TAF6: variants seen among roughly 807,000 people sequenced by gnomAD.
The protein encoded by TAF6 is transcription initiation factor TFIID subunit 6.
TAF6 carries 50 observed loss-of-function variants against 73.5 expected under a neutral mutation model. That is an observed-to-expected ratio of 0.68 (90% CI 0.54 to 0.86). The LOEUF (loss-of-function observed/expected upper bound fraction) is 0.86, where lower values mean the gene tolerates loss of function less well. Among genes scored for constraint, TAF6 ranks in the 40% least tolerant of loss-of-function variants. TAF6 has a pLI of 0.00. For synonymous variants in TAF6, 424 were observed against 376.7 expected (o/e 1.13, Z -1.45); for missense variants, 768 against 899.5 (o/e 0.85, Z 1.87).
At chr7:100,126,747 T>C in the TAF6 span, 2 of 152,512 alleles carry the variant, frequency 1.3e-5, no homozygotes, top group East Asian at 3.9e-4. Flanking sequence ...AGGTTGAGGC[T>C]GCAGTGAGGT....
At position 100,107,953 on chromosome 7, in the gene TAF6, C is replaced by T. The variant is rs760961569; in HGVS notation, c.1629G>A (p.Ser543=). 19 of 1,612,876 alleles carry T rather than the reference C, an allele frequency of 1.2e-5. No homozygotes were observed. Among genetic ancestry groups the T allele is most frequent in the African/African-American group, 1.3e-5 (1 of 74,828 alleles). Reference sequence around the variant, plus strand: ...GCTGGGTGGATGGGGCGCTGGAGGACGATGACATTACAATAAACTTGGTTG... The same window carrying T: ...GCTGGGTGGATGGGGCGCTGGAGGATGATGACATTACAATAAACTTGGTTG... The part of the protein sequence containing the change: ...PPPTKFIVMS[S]SSSAPSTQQV... Residue 543 remains serine, a synonymous_variant, in exon 14 of 15, where the codon TCG becomes TCA. Coordinates refer to ENST00000453269, the MANE Select transcript of TAF6 (RefSeq NM_139315.3).
intron 14 of TAF6, 49 bp from the exon 15 acceptor site, chr7:100,107,672 C>G (rs1796681037): frequency 6.3e-7 from 1 of 1,592,420 alleles, no homozygotes; most frequent in South Asian, 1.1e-5. Context: ...CTCCCTGCCC[C>G]CCAGAGGCCT....
chr7:100,110,189 A>T lies in TAF6; in HGVS notation c.1158+11T>A, dbSNP rs754731525. 1 of 1,614,146 alleles carries T rather than the reference A, an allele frequency of 6.2e-7. No homozygotes were observed. Among genetic ancestry groups the T allele is most frequent in the Non-Finnish European group, 8.5e-7 (1 of 1,180,018 alleles). Reference sequence around the variant, plus strand: ...GTCCCCTCCCCCATTTCTTCCTCCCAGAGGCCTAACATCGTGTCCCAGCTC... The same window carrying T: ...GTCCCCTCCCCCATTTCTTCCTCCCTGAGGCCTAACATCGTGTCCCAGCTC... On this transcript the variant is annotated intron_variant, in intron 11 of 14. Coordinates refer to ENST00000453269, the MANE Select transcript of TAF6 (RefSeq NM_139315.3).
upstream of TAF6, chr7:100,122,234 C>T: frequency 6.2e-7 from 1 of 1,613,308 alleles, no homozygotes; most frequent in Non-Finnish European, 8.5e-7. Context: ...TTTACCTCCC[C>T]CCGGACGTTT....
chr7:100,108,856 T>C (rs554959911), intron 12 of TAF6: 35 of 225,986 alleles, frequency 1.5e-4, no homozygotes, highest in African/African-American at 7.3e-4. Context: ...AAACCTCATC[T>C]CCACTAAAAA....
Position 100,112,219 on chromosome 7 carries a change from C to G in TAF6, c.609G>C (p.Gly203=). 1 of 1,614,110 alleles carries G rather than the reference C, an allele frequency of 6.2e-7. No homozygotes were observed. The highest frequency in any genetic ancestry group is 8.5e-7 in the Non-Finnish European group (1 of 1,180,006). ...KEKKAPPLLE[G]APLRLKPRSI... Reference sequence around the variant, plus strand: ...TCCGGGGCTTCAGTCGCAAGGGGGCCCCCTCCAGCAAGGGCGGCGCCTTCT... The same window carrying G: ...TCCGGGGCTTCAGTCGCAAGGGGGCGCCCTCCAGCAAGGGCGGCGCCTTCT... Residue 203 remains glycine, a synonymous_variant, in exon 7 of 15, where the codon GGG becomes GGC. Coordinates refer to ENST00000453269, the MANE Select transcript of TAF6 (RefSeq NM_139315.3).
At chr7:100,113,324 C>A in intron 5 of TAF6, 25 bp downstream of exon 5, 1 of 1,562,728 alleles carries the variant, frequency 6.4e-7, no homozygotes, top group Non-Finnish European at 8.7e-7. Context: ...ACCCAGAGAC[C>A]CAGAGGGTGG....
upstream of TAF6, chr7:100,124,336 C>G: frequency 1.8e-6 from 1 of 569,908 alleles, no homozygotes; most frequent in Non-Finnish European, 3.1e-6. Flanking sequence ...ATCTACTTGG[C>G]AGAATAGGTG....
At chr7:100,126,942 C>T in the TAF6 span, 2 of 158,104 alleles carry the variant, frequency 1.3e-5, no homozygotes, top group Admixed American at 6.5e-5. Context: ...ACTACAGCTA[C>T]CTCCGCGGCG....
chr7:100,107,195 C>A lies in TAF6; in HGVS notation c.*51G>T, dbSNP rs373645576. On this transcript the variant is annotated 3_prime_UTR_variant, in exon 15 of 15. Transcript: ENST00000453269. ...GCGAGCATGCATGTGTGTACGTGCA[C>A]GTGTGTACATGTCTGCATGTGTGGG... The A allele has an allele frequency of 6.6e-7, 1 of 1,519,114 alleles. No homozygotes were observed. Among genetic ancestry groups the A allele is most frequent in the Non-Finnish European group, 8.8e-7 (1 of 1,136,492 alleles). 94.1% of individuals were successfully genotyped at this position (1,519,114 alleles called of 1,614,324 possible). A position where few individuals can be genotyped will look rare whatever the true frequency, so the allele number is the denominator to read the frequency against.
intron 5 of TAF6, 95 bp downstream of exon 5, chr7:100,113,254 G>A (rs1251231050): frequency 2.4e-6 from 3 of 1,234,698 alleles, no homozygotes; most frequent in East Asian, 4.9e-5. Flanking sequence ...CTGCACTCCA[G>A]CACAGGCAAC....
At chr7:100,111,596 C>G (rs1257479927) in intron 9 of TAF6, 132 bp downstream of exon 9, 7 of 1,001,322 alleles carry the variant, frequency 7.0e-6, no homozygotes, top group Non-Finnish European at 1.1e-5. Flanking sequence ...CTCCTGAGCT[C>G]AAGCAATCCT....
In TAF6 at chr7:100,113,627, A is replaced by C; in HGVS notation, c.386T>G (p.Val129Gly). Residue 129 changes from valine (V) to glycine (G), a missense_variant, in exon 4 of 15, where the codon GTC becomes GGC. Coordinates refer to ENST00000453269, the MANE Select transcript of TAF6 (RefSeq NM_139315.3). ...NTPLPRVPLD[V>G]CLKAHWLSIE... ...TCCCCTCCCCCAACCTTTGAGGCAG[A>C]CGTCCAGGGGCACCCGGGGCAGAGG... 1 of 1,613,994 alleles carries C rather than the reference A, an allele frequency of 6.2e-7. No individual in the cohort carries two copies. The highest frequency in any genetic ancestry group is 8.5e-7 in the Non-Finnish European group (1 of 1,179,968).
At chr7:100,119,970 T>A, upstream of TAF6, 1 of 986,430 alleles carries the variant, frequency 1.0e-6, no homozygotes, top group Non-Finnish European at 1.4e-6. Context: ...CTTGAAGGCT[T>A]GAGGGAGGTT....
rs745603730 is a variant in TAF6, at chr7:100,111,268, G to A, written c.954C>T (p.Cys318=). ...VMTCIVSRQL[C]LRPDVDNHWA... ...AGTGATTGTCCACATCTGGTCGCAG[G>A]CACAACTGTCTGCTCACGATGCAGG... Residue 318 remains cysteine, a synonymous_variant, in exon 10 of 15, where the codon TGC becomes TGT. Coordinates refer to ENST00000453269, the MANE Select transcript of TAF6 (RefSeq NM_139315.3). 1.2e-6 allele frequency: 2 copies of A among 1,614,242 alleles called. No individual in the cohort carries two copies. Among genetic ancestry groups the A allele is most frequent in the Non-Finnish European group, 8.5e-7 (1 of 1,180,044 alleles).
In TAF6 at chr7:100,114,133, A is replaced by G; in HGVS notation, c.77T>C (p.Met26Thr). The G allele has an allele frequency of 1.2e-6, 2 of 1,614,236 alleles. No individual in the cohort carries two copies. Among genetic ancestry groups the G allele is most frequent in the African/African-American group, 1.3e-5 (1 of 75,068 alleles). The change falls in exon 2 of 15, where the codon ATG (methionine) becomes ACG (threonine). Residue 26 changes from methionine (M) to threonine (T), a missense_variant. By Grantham distance (81) the Met-to-Thr change is moderately conservative. Coordinates refer to ENST00000453269, the MANE Select transcript of TAF6 (RefSeq NM_139315.3). ...SESMKVVAES[M>T]GIAQIQEETC... Reference sequence around the variant, plus strand: ...CTCCTCCTGAATCTGGGCGATGCCCATGGATTCAGCCACCACCTTCATGGA... The same window carrying G: ...CTCCTCCTGAATCTGGGCGATGCCCGTGGATTCAGCCACCACCTTCATGGA...
Position 100,107,305 on chromosome 7 carries a change from C to G in TAF6, c.1975G>C (p.Gly659Arg). 4.6e-6 allele frequency: 7 copies of G among 1,528,882 alleles called. No homozygotes were observed. Among genetic ancestry groups the G allele is most frequent in the South Asian group, 1.3e-5 (1 of 76,800 alleles). The allele number at this position is 1,528,882 out of a possible 1,614,324, so 94.7% of individuals were successfully genotyped here. ...TGGGAGCCATTGGCTTTTGGAGTCCCTGGAGCTGGAGGGGGACTGTCCCCA... is the reference window on the plus strand; with the variant it reads ...TGGGAGCCATTGGCTTTTGGAGTCCGTGGAGCTGGAGGGGGACTGTCCCCA... ...EAGDSPPPAPGTPKANGSQPN... is the reference protein window; with the variant it reads ...EAGDSPPPAPRTPKANGSQPN... The change falls in exon 15 of 15, where the codon GGG (glycine) becomes CGG (arginine). Residue 659 changes from glycine (G) to arginine (R), a missense_variant. By Grantham distance (125) the Gly-to-Arg change is moderately radical. Coordinates refer to ENST00000453269, the MANE Select transcript of TAF6 (RefSeq NM_139315.3).
At chr7:100,110,568 T>C (rs753541840) in intron 10 of TAF6, among the ~76,000 whole-genome samples, 1 of 151,994 alleles carries the variant, frequency 6.6e-6, no homozygotes, top group African/African-American at 2.4e-5. Flanking sequence ...TCCCAGCACT[T>C]TGGGAGGCCA....
chr7:100,107,329 C>G lies in TAF6; in HGVS notation c.1951G>C (p.Gly651Arg). Reference protein sequence around the residue: ...SALCGGKQEAGDSPPPAPGTP... With the variant: ...SALCGGKQEARDSPPPAPGTP... ...CCTGGAGCTGGAGGGGGACTGTCCC[C>G]AGCCTCCTGCTTCCCCCCACAAAGG... The change falls in exon 15 of 15, where the codon GGG becomes CGG. Residue 651 changes from glycine to arginine, a missense_variant. Gly to Arg is a moderately radical substitution (Grantham distance 125, BLOSUM62 -2). Around this residue, in one of 5 missense-constraint regions of TAF6, gnomAD observed 350 missense variants for 352.3 expected, o/e 0.99. Transcript: ENST00000453269. 6.5e-7 allele frequency: 1 copy of G among 1,543,548 alleles called. No homozygotes were observed. The highest frequency in any genetic ancestry group is 1.3e-5 in the South Asian group (1 of 79,604).
Sources: gnomAD v4.1 joint callset for allele counts (sites outside exome capture counted in the v4.1 genomes callset) on GRCh38, gnomAD v4.1.1 for gene constraint, gnomAD v4.1.1 regional missense constraint, MANE v1.5 for transcripts, NCBI Gene and HGNC (gene_info 2026-07-23, HGNC 2026-07-21) for gene names.